SYT11: variants seen among roughly 807,000 people sequenced by gnomAD.
SYT11 encodes synaptotagmin-11.
SYT11 carries 12 observed loss-of-function variants against 30.4 expected under a neutral mutation model. The ratio of observed to expected loss-of-function variants is 0.39; its 90% CI spans 0.25 to 0.64. The LOEUF (loss-of-function observed/expected upper bound fraction) is 0.64, where lower values mean the gene tolerates loss of function less well. Ranked by LOEUF, SYT11 falls within the 30% of genes least tolerant of loss-of-function variation. The pLI, the probability that SYT11 is intolerant of heterozygous loss-of-function variation, is 0.45. For missense variants in SYT11, 412 were observed against 552.0 expected, an observed-to-expected ratio of 0.75 and a Z score of 2.54; for synonymous variants, 204 against 216.0, an observed-to-expected ratio of 0.94 and a Z score of 0.49.
intron 1 of SYT11, among the ~76,000 whole-genome samples, chr1:155,867,584 A>G (rs954873420): frequency 3.3e-5 from 5 of 152,156 alleles, no homozygotes; most frequent in African/African-American, 1.2e-4. Flanking sequence ...ATCTTGTGTA[A>G]CAGTTGAAGT....
At chr1:155,872,007 G>A (rs1672787974) in intron 2 of SYT11, among the ~76,000 whole-genome samples, 1 of 151,344 alleles carries the variant, frequency 6.6e-6, no homozygotes, top group South Asian at 2.1e-4. Flanking sequence ...TCCTGGTCTG[G>A]ATTACATAGA....
chr1:155,873,860 A>G (rs747687202), intron 2 of SYT11, among the ~76,000 whole-genome samples: 6 of 152,188 alleles, frequency 3.9e-5, no homozygotes, highest in Non-Finnish European at 7.4e-5. Context: ...GAATCCATTC[A>G]ATTTTCTTTT....
chr1:155,871,757 GC>G (rs1217099835), intron 2 of SYT11, among the ~76,000 whole-genome samples: 2 of 152,164 alleles, frequency 1.3e-5, no homozygotes, highest in Non-Finnish European at 2.9e-5. Flanking sequence ...CCACCCTAGA[GC>G]CTTCCAGCCT....
Position 155,881,433 on chromosome 1 carries a change from T to G in SYT11, c.1221T>G (p.Gly407=). ...ILGAHSVTAS[G]AEHWREVCES... The stretch of plus-strand genomic sequence containing the variant: ...GGGCACACAGTGTCACAGCCAGTGG[T>G]GCTGAACACTGGAGAGAGGTCTGCG... The change falls in exon 4 of 4, where the codon GGT becomes GGG. Residue 407 remains glycine, a synonymous_variant. Transcript: ENST00000368324. 6.2e-7 allele frequency: 1 copy of G among 1,613,892 alleles called. No individual in the cohort carries two copies.
At chr1:155,875,592 G>A (rs1672847598) in intron 2 of SYT11, among the ~76,000 whole-genome samples, 2 of 152,002 alleles carry the variant, frequency 1.3e-5, no homozygotes, top group Admixed American at 6.6e-5. Context: ...TTTAGTAGAC[G>A]GGGTTTTACC....
chr1:155,873,403 C>T lies in SYT11; in HGVS notation c.861+4612C>T, dbSNP rs573636884. Among the ~76,000 whole-genome samples, 6 of 152,150 alleles carry T rather than the reference C, an allele frequency of 3.9e-5. No homozygotes were observed. In the East Asian group the frequency reaches 7.7e-4, roughly 20 times the overall value. On this transcript the variant is annotated intron_variant, in intron 2 of 3. Coordinates refer to ENST00000368324, the MANE Select transcript of SYT11 (RefSeq NM_152280.5). Reference sequence around the variant, plus strand: ...ATCACGCCACTGCACTCCAGCCTGGCGACAGAGCAAGACTCCGTCTCAAAA... The same window carrying T: ...ATCACGCCACTGCACTCCAGCCTGGTGACAGAGCAAGACTCCGTCTCAAAA...
intron 1 of SYT11, among the ~76,000 whole-genome samples, chr1:155,866,991 CAT>C (rs56674549): frequency 0.11 from 8,738 of 79,838 alleles, 306 homozygotes; most frequent in African/African-American, 0.14. Flanking sequence ...CACACACACA[CAT>C]ATATATATAT....
chr1:155,865,898 A>T (rs1672664614), intron 1 of SYT11, among the ~76,000 whole-genome samples: 1 of 151,632 alleles, frequency 6.6e-6, no homozygotes, highest in South Asian at 2.1e-4. Flanking sequence ...CCCAGGCTAC[A>T]TTTATTTCCT....
At chr1:155,875,523 C>T (rs1381387671) in intron 2 of SYT11, among the ~76,000 whole-genome samples, 1 of 151,948 alleles carries the variant, frequency 6.6e-6, no homozygotes, top group Non-Finnish European at 1.5e-5. Flanking sequence ...CCTGCCTCAG[C>T]CTCCTGAGTA....
At chr1:155,872,039 C>T (rs1397836826) in intron 2 of SYT11, among the ~76,000 whole-genome samples, 1 of 151,746 alleles carries the variant, frequency 6.6e-6, no homozygotes, top group Non-Finnish European at 1.5e-5. Context: ...CTACTGCACT[C>T]TAGCCTGGAT....
intron 2 of SYT11, among the ~76,000 whole-genome samples, chr1:155,874,122 G>A (rs1376990894): frequency 6.6e-6 from 1 of 151,126 alleles, no homozygotes; most frequent in Admixed American, 6.6e-5. Flanking sequence ...CCAACGTGGC[G>A]GAAACCCCAG....
intron 2 of SYT11, among the ~76,000 whole-genome samples, chr1:155,869,534 A>G (rs1185820829): frequency 1.3e-5 from 2 of 152,034 alleles, no homozygotes; most frequent in African/African-American, 2.4e-5. Context: ...GGACTCCAAA[A>G]GTACTGGGAT....
intron 1 of SYT11, among the ~76,000 whole-genome samples, chr1:155,862,571 C>G (rs1383231917): frequency 6.6e-6 from 1 of 152,204 alleles, no homozygotes; most frequent in African/African-American, 2.4e-5. Flanking sequence ...CTTTTCTACC[C>G]TATCTCCATT....
chr1:155,873,872 C>T (rs1367513716), intron 2 of SYT11, among the ~76,000 whole-genome samples: 1 of 152,112 alleles, frequency 6.6e-6, no homozygotes, highest in African/African-American at 2.4e-5. Context: ...TTTTCTTTTC[C>T]ATATGGGATT....
At position 155,865,188 on chromosome 1, in the gene SYT11, G is replaced by A. The variant is rs554034105; in HGVS notation, c.35-2777G>A. ...GATCAAAGAAAGATAATAAATATATGTCAGGATAATAAGCTCCATGAAGAA... is the reference window on the plus strand; with the variant it reads ...GATCAAAGAAAGATAATAAATATATATCAGGATAATAAGCTCCATGAAGAA... On this transcript the variant is annotated intron_variant, in intron 1 of 3. Coordinates refer to ENST00000368324, the MANE Select transcript of SYT11 (RefSeq NM_152280.5). 1.3e-3 allele frequency among the ~76,000 whole-genome samples: 194 copies of A among 152,286 alleles called. 2 individuals are homozygous for A. The Middle Eastern group carries it at 0.024, about 19-fold the overall frequency.
At chr1:155,874,755 TG>T (rs1170834433) in intron 2 of SYT11, among the ~76,000 whole-genome samples, 1 of 148,000 alleles carries the variant, frequency 6.8e-6, no homozygotes, top group Admixed American at 6.7e-5. Context: ...CCGGGCATGG[TG>T]GCAGGCGCCT....
intron 2 of SYT11, among the ~76,000 whole-genome samples, chr1:155,874,628 C>A (rs943891945): frequency 1.3e-5 from 2 of 149,802 alleles, no homozygotes; most frequent in Non-Finnish European, 3.0e-5. Flanking sequence ...CGGTGGCTGA[C>A]GCCTGTAATC....
intron 1 of SYT11, among the ~76,000 whole-genome samples, chr1:155,863,192 G>T (rs189783379): frequency 3.9e-5 from 6 of 152,178 alleles, no homozygotes; most frequent in African/African-American, 1.4e-4. Flanking sequence ...ACAGTGGGTC[G>T]TGCTTATAAT....
chr1:155,875,591 C>T (rs571415782), intron 2 of SYT11, among the ~76,000 whole-genome samples: 4 of 152,114 alleles, frequency 2.6e-5, no homozygotes, highest in South Asian at 2.1e-4. Context: ...TTTTAGTAGA[C>T]GGGGTTTTAC....
Sources: gnomAD v4.1 joint callset for allele counts (sites outside exome capture counted in the v4.1 genomes callset) on GRCh38, gnomAD v4.1.1 for gene constraint, MANE v1.5 for transcripts, NCBI Gene and HGNC (gene_info 2026-07-23, HGNC 2026-07-21) for gene names.